SUPT3H: variants seen among roughly 807,000 people sequenced by gnomAD.
The protein encoded by SUPT3H is SPT3 homolog, SAGA and STAGA complex component, also known as transcription initiation protein SPT3 homolog.
SUPT3H carries 44 observed loss-of-function variants against 44.3 expected under a neutral mutation model. The ratio of observed to expected loss-of-function variants is 0.99; its 90% CI spans 0.78 to 1.28. The LOEUF (loss-of-function observed/expected upper bound fraction) is 1.28, where lower values mean the gene tolerates loss of function less well. Ranked by LOEUF, SUPT3H falls within the 50% of genes most tolerant of loss-of-function variation. SUPT3H has a pLI of 0.00. For synonymous variants in SUPT3H, 124 were observed against 125.6 expected (o/e 0.99, Z 0.09); for missense variants, 380 against 387.1 (o/e 0.98, Z 0.15).
chr6:45,027,872 G>A (rs1316598265), intron 3 of SUPT3H, among the ~76,000 whole-genome samples: 2 of 152,078 alleles, frequency 1.3e-5, no homozygotes, highest in African/African-American at 4.8e-5. Flanking sequence ...TTTTCTTCTA[G>A]CTTAAAATGT....
chr6:45,302,839 T>C (rs1686798710), intron 2 of SUPT3H, among the ~76,000 whole-genome samples: 1 of 152,112 alleles, frequency 6.6e-6, no homozygotes, highest in East Asian at 1.9e-4. Flanking sequence ...ACCACATCCA[T>C]GGCACCATCT....
chr6:45,343,072 A>G (rs1219809077), intron 2 of SUPT3H, among the ~76,000 whole-genome samples: 1 of 152,206 alleles, frequency 6.6e-6, no homozygotes, highest in Non-Finnish European at 1.5e-5. Context: ...TAAAATGTAA[A>G]GTGTCTACAC....
Position 44,869,825 on chromosome 6 carries a change from A to T in SUPT3H, c.913-39968T>A, listed in dbSNP as rs73735235. Among the ~76,000 whole-genome samples the T allele has an allele frequency of 3.9e-3, 595 of 152,306 alleles. 7 individuals are homozygous for T. Among genetic ancestry groups the T allele is most frequent in the African/African-American group, 0.014 (566 of 41,564 alleles). The stretch of plus-strand genomic sequence containing the variant: ...TTTATTTTCACTCATTCACTCACCT[A>T]TCAATCTTTAACAAGGTGTCAAACA... On this transcript the variant is annotated intron_variant, in intron 10 of 10. Transcript: ENST00000371459.
At chr6:44,864,364 G>A (rs1169366783) in intron 10 of SUPT3H, among the ~76,000 whole-genome samples, 1 of 152,168 alleles carries the variant, frequency 6.6e-6, no homozygotes, top group Non-Finnish European at 1.5e-5. Context: ...TCTGGAGGAT[G>A]GTGACCCTCT....
intron 10 of SUPT3H, among the ~76,000 whole-genome samples, chr6:44,844,107 ATT>A (rs1771472132): frequency 6.6e-6 from 1 of 152,180 alleles, no homozygotes; most frequent in Admixed American, 6.5e-5. Context: ...TTTTTGGAGT[ATT>A]TATTTTCAGC....
chr6:45,212,151 C>T (rs867565045), intron 2 of SUPT3H, among the ~76,000 whole-genome samples: 28 of 152,082 alleles, frequency 1.8e-4, no homozygotes, highest in South Asian at 4.1e-4. Context: ...CAGAGCAAGA[C>T]TCTGTCTCAA....
intron 10 of SUPT3H, among the ~76,000 whole-genome samples, chr6:44,913,268 T>G (rs1261947159): frequency 6.6e-6 from 1 of 152,192 alleles, no homozygotes; most frequent in Non-Finnish European, 1.5e-5. Context: ...AGAATTCTTC[T>G]CTTTTTCCCA....
chr6:45,345,833 G>C (rs1790744001), intron 2 of SUPT3H, among the ~76,000 whole-genome samples: 2 of 152,184 alleles, frequency 1.3e-5, no homozygotes, highest in South Asian at 4.2e-4. Context: ...GCCAAAGCTT[G>C]CCACATTTTG....
At chr6:45,069,917 C>G (rs978638158) in intron 3 of SUPT3H, among the ~76,000 whole-genome samples, 1 of 152,016 alleles carries the variant, frequency 6.6e-6, no homozygotes, top group Non-Finnish European at 1.5e-5. Context: ...TAGAGAGGAG[C>G]CTGCCAACAG....
chr6:44,840,179 T>C (rs1770715431), intron 10 of SUPT3H, among the ~76,000 whole-genome samples: 1 of 152,252 alleles, frequency 6.6e-6, no homozygotes, highest in Non-Finnish European at 1.5e-5. Flanking sequence ...ATTCTATTCA[T>C]GTAGCAGTCA....
intron 3 of SUPT3H, among the ~76,000 whole-genome samples, chr6:45,061,238 C>T (rs1228539708): frequency 6.6e-6 from 1 of 152,104 alleles, no homozygotes; most frequent in Non-Finnish European, 1.5e-5. Flanking sequence ...AAATGTGGTA[C>T]ATATACACCA....
At chr6:45,171,713 C>CT (rs777154020) in intron 2 of SUPT3H, among the ~76,000 whole-genome samples, 67,863 of 92,314 alleles carry the variant, frequency 0.74, 27,989 homozygotes, top group East Asian at 0.91. Context: ...ATTCCACTTG[C>CT]TTTTTTTTTT....
chr6:44,845,767 C>T (rs1386757436), intron 10 of SUPT3H, among the ~76,000 whole-genome samples: 3 of 152,130 alleles, frequency 2.0e-5, no homozygotes, highest in Admixed American at 2.0e-4. Flanking sequence ...CTGAGCAACC[C>T]GACACCAGGG....
chr6:45,248,663 T>G (rs768579594), intron 2 of SUPT3H, among the ~76,000 whole-genome samples: 1 of 152,254 alleles, frequency 6.6e-6, no homozygotes, highest in East Asian at 1.9e-4. Flanking sequence ...TTGCCTGTAA[T>G]CCCAGCACTT....
chr6:45,249,780 C>T (rs895097886), intron 2 of SUPT3H, among the ~76,000 whole-genome samples: 4 of 151,776 alleles, frequency 2.6e-5, no homozygotes, highest in South Asian at 2.1e-4. Context: ...ACCAGAGAAA[C>T]GCTGTGTTTG....
intron 10 of SUPT3H, chr6:44,898,812 G>A (rs1764513942): frequency 6.6e-6 from 1 of 152,254 alleles, no homozygotes; most frequent in South Asian, 2.1e-4. Context: ...GCTTCAACAG[G>A]GTATTCTTCC....
chr6:45,059,388 C>T (rs1263662764), intron 3 of SUPT3H, among the ~76,000 whole-genome samples: 1 of 152,058 alleles, frequency 6.6e-6, no homozygotes, highest in East Asian at 1.9e-4. Flanking sequence ...AATTCAACAT[C>T]CTTTCATGTT....
chr6:44,976,649 C>T (rs960306631), intron 6 of SUPT3H, among the ~76,000 whole-genome samples: 1 of 152,090 alleles, frequency 6.6e-6, no homozygotes, highest in African/African-American at 2.4e-5. Flanking sequence ...AGGCATGAGG[C>T]ACTGCGCCCG....
chr6:45,231,313 T>C (rs1056823000), intron 2 of SUPT3H, among the ~76,000 whole-genome samples: 16 of 152,166 alleles, frequency 1.1e-4, no homozygotes, highest in Admixed American at 1.0e-3. Flanking sequence ...CATTTGCTTG[T>C]CTGGAAAAGA....
Sources: gnomAD v4.1 joint callset for allele counts (sites outside exome capture counted in the v4.1 genomes callset) on GRCh38, gnomAD v4.1.1 for gene constraint, MANE v1.5 for transcripts, NCBI Gene and HGNC (gene_info 2026-07-23, HGNC 2026-07-21) for gene names.